HTT: variants seen among roughly 807,000 people sequenced by gnomAD.
HTT encodes huntingtin, also known as huntington disease protein.
In HTT, 104 loss-of-function variants were observed where a neutral mutation model predicts 362.3. That is an observed-to-expected ratio of 0.29 (90% CI 0.24 to 0.34). The LOEUF is 0.34. Ranked by LOEUF, HTT falls within the 10% of genes least tolerant of loss-of-function variation. The pLI is 1.00. For missense variants in HTT, 3,301 were observed against 3,928.6 expected, an observed-to-expected ratio of 0.84 and a Z score of 4.27; for synonymous variants, 1,577 against 1,548.7, an observed-to-expected ratio of 1.02 and a Z score of -0.43.
chr4:3,185,265 C>T (rs73191201), intron 37 of HTT, among the ~76,000 whole-genome samples: 5,705 of 152,258 alleles, frequency 0.037, 193 homozygotes, highest in Admixed American at 0.093. Flanking sequence ...CACAAATCGC[C>T]GTTGTGGTGT....
chr4:3,143,436 CA>C (rs1056047426), intron 23 of HTT, among the ~76,000 whole-genome samples: 248 of 70,206 alleles, frequency 3.5e-3, no homozygotes, highest in Middle Eastern at 9.4e-3. Context: ...GACTCTGTCT[CA>C]AAAAAAAAAA....
intron 30 of HTT, 103 bp downstream of exon 30, chr4:3,172,500 A>C: frequency 1.2e-6 from 1 of 836,830 alleles, no homozygotes; most frequent in Admixed American, 1.7e-5. Context: ...ATCAGCTGGG[A>C]GGATTGTGGG....
Position 3,158,380 on chromosome 4 carries a change from A to AT in HTT, c.3753+1185dup, listed in dbSNP as rs1376536542. Among the ~76,000 whole-genome samples, 3 of 152,014 alleles carry AT rather than the reference A, an allele frequency of 2.0e-5. No individual in the cohort carries two copies. The East Asian group carries it at 5.8e-4, about 29-fold the overall frequency. On this transcript the variant is annotated intron_variant, in intron 28 of 66. Coordinates refer to ENST00000355072, the MANE Select transcript of HTT (RefSeq NM_001388492.1). ...ATTTTCTGGATATTCTTCTTTATTG[A>AT]TTTTGGGATGTGAACAATAGAATCA... is the stretch of plus-strand genomic sequence containing the variant.
At chr4:3,182,075 A>G (rs886416582) in intron 36 of HTT, among the ~76,000 whole-genome samples, 2 of 152,244 alleles carry the variant, frequency 1.3e-5, no homozygotes, top group South Asian at 2.1e-4. Flanking sequence ...ATTGTGAAAT[A>G]TTACAAATTC....
chr4:3,231,748 C>T (rs898593199), intron 60 of HTT, among the ~76,000 whole-genome samples: 1 of 152,160 alleles, frequency 6.6e-6, no homozygotes, highest in African/African-American at 2.4e-5. Flanking sequence ...GTCAAAGCGG[C>T]TCTTGGAAGG....
In HTT at chr4:3,132,669, A is replaced by G. The variant is rs1715879684; in HGVS notation, c.2344A>G (p.Arg782Gly). Residue 782 changes from arginine (R) to glycine (G), a missense_variant, in exon 17 of 67, where the codon AGG becomes GGG. This residue lies in a region of HTT where 2,316 missense variants were observed against 2,658.5 expected (regional missense o/e 0.87). Coordinates refer to ENST00000355072, the MANE Select transcript of HTT (RefSeq NM_001388492.1). ...CGTLICSILS[R>G]SRFHVGDWMG... ...GACCCTCATCTGCTCCATCCTCAGC[A>G]GGTCCCGCTTCCACGTGGGAGATTG... 6.2e-7 allele frequency: 1 copy of G among 1,614,208 alleles called. No homozygotes were observed. Among genetic ancestry groups the G allele is most frequent in the Non-Finnish European group, 8.5e-7 (1 of 1,180,012 alleles).
chr4:3,223,219 A>T (rs1331000095), intron 54 of HTT, among the ~76,000 whole-genome samples, 187 bp from the exon 55 acceptor site: 2 of 152,164 alleles, frequency 1.3e-5, no homozygotes, highest in Non-Finnish European at 2.9e-5. Context: ...TGCCCATCAG[A>T]TTGTTTCAGG....
Position 3,207,342 on chromosome 4 carries a change from G to T in HTT, c.6137G>T (p.Ser2046Ile), listed in dbSNP as rs1719916728. 1 of 1,612,938 alleles carries T rather than the reference G, an allele frequency of 6.2e-7. No homozygotes were observed. The highest frequency in any genetic ancestry group is 1.3e-5 in the African/African-American group (1 of 74,916). The part of the protein sequence containing the change: ...LNRIQEYLQS[S>I]GLAQRHQRLY... ...AGAATCCAGGAATACCTTCAGAGCA[G>T]CGGGCTCGCTCAGAGGTAATGCTGG... Residue 2046 changes from serine to isoleucine, a missense_variant, in exon 45 of 67, where the codon AGC becomes ATC. Transcript: ENST00000355072.
At chr4:3,141,200 C>A (rs1423495825) in intron 22 of HTT, among the ~76,000 whole-genome samples, 1 of 152,190 alleles carries the variant, frequency 6.6e-6, no homozygotes, top group Non-Finnish European at 1.5e-5. Context: ...CTATAATCTT[C>A]AGAATTCTAG....
chr4:3,243,059 T>G lies in HTT; in HGVS notation c.*3000T>G, dbSNP rs1180815214. 1 of 152,572 alleles carries G rather than the reference T, an allele frequency of 6.6e-6. No individual in the cohort carries two copies. Among genetic ancestry groups the G allele is most frequent in the East Asian group, 1.9e-4 (1 of 5,198 alleles). 9.5% of individuals were successfully genotyped at this position (152,572 alleles called of 1,614,324 possible). On this transcript the variant is annotated 3_prime_UTR_variant, in exon 67 of 67. Coordinates refer to ENST00000355072, the MANE Select transcript of HTT (RefSeq NM_001388492.1). ...AGGACACCCCTCGCCCCCATCTTCA[T>G]GGAGGGGGTCATTTCAGAGCCCTCG...
intron 21 of HTT, among the ~76,000 whole-genome samples, chr4:3,138,657 A>T (rs1463103322): frequency 2.0e-5 from 3 of 152,216 alleles, no homozygotes; most frequent in South Asian, 2.1e-4. Flanking sequence ...TATGATGCCC[A>T]GGCTGGAGTG....
chr4:3,134,323 ACGGTT>A, intron 18 of HTT, 73 bp from the exon 19 acceptor site: 1 of 1,303,934 alleles, frequency 7.7e-7, no homozygotes, highest in Non-Finnish European at 1.1e-6. Flanking sequence ...TTGAAGAGTG[ACGGTT>A]CTCAAACCGT....
chr4:3,212,003 C>A lies in HTT; in HGVS notation c.6489C>A (p.Ala2163=). 6.2e-7 allele frequency: 1 copy of A among 1,614,182 alleles called. No homozygotes were observed. The highest frequency in any genetic ancestry group is 8.5e-7 in the Non-Finnish European group (1 of 1,180,030). The change falls in exon 48 of 67, where the codon GCC becomes GCA. Residue 2163 remains alanine, a synonymous_variant. Transcript: ENST00000355072. The part of the protein sequence containing the change: ...MSEISGGQKS[A]LFEAAREVTL... ...AAATTTCTGGTGGCCAGAAGAGTGC[C>A]CTTTTTGAAGCAGCCCGTGAGGTGA...
chr4:3,201,871 T>C (rs1184841901), intron 41 of HTT, among the ~76,000 whole-genome samples: 7 of 152,326 alleles, frequency 4.6e-5, no homozygotes, highest in South Asian at 2.1e-4. Flanking sequence ...GCTGCTCTTT[T>C]TTTAGCCATA....
intron 53 of HTT, 22 bp from the exon 54 acceptor site, chr4:3,222,365 C>T: frequency 6.3e-7 from 1 of 1,599,158 alleles, no homozygotes. Context: ...GACACTCTCT[C>T]ATGTAACATT....
rs1418726094 is a variant in HTT, at chr4:3,222,395, A to G, written c.7378A>G (p.Ser2460Gly). 3 of 1,613,662 alleles carry G rather than the reference A, an allele frequency of 1.9e-6. No individual in the cohort carries two copies. The highest frequency in any genetic ancestry group is 2.5e-6 in the Non-Finnish European group (3 of 1,179,586). The change falls in exon 54 of 67, where the codon AGT becomes GGT. Residue 2460 changes from serine (S) to glycine (G), a missense_variant. Coordinates refer to ENST00000355072, the MANE Select transcript of HTT (RefSeq NM_001388492.1). ...AACATTTATATTTCTAGGCTGGACCAGTCGTACTCAGTTTGAAGAAACTTG... is the reference window on the plus strand; with the variant it reads ...AACATTTATATTTCTAGGCTGGACCGGTCGTACTCAGTTTGAAGAAACTTG... ...IYRINTLGWT[S>G]RTQFEETWAT...
At chr4:3,132,508 T>A in intron 16 of HTT, 54 bp from the exon 17 acceptor site, 1 of 1,481,938 alleles carries the variant, frequency 6.7e-7, no homozygotes, top group South Asian at 1.2e-5. Flanking sequence ...TTGTTTCGAG[T>A]TAGAAAGTTG....
chr4:3,151,519 C>T (rs1716891713), intron 26 of HTT, among the ~76,000 whole-genome samples: 1 of 152,164 alleles, frequency 6.6e-6, no homozygotes, highest in East Asian at 1.9e-4. Context: ...TCCCACCAGG[C>T]CCCACCTCCG....
intron 64 of HTT, among the ~76,000 whole-genome samples, chr4:3,237,471 A>G (rs74614430): frequency 0.015 from 2,251 of 152,212 alleles, 50 homozygotes; most frequent in African/African-American, 0.052. Context: ...GGGAGGCGCC[A>G]CGACCAGTCC....
Sources: gnomAD v4.1 joint callset for allele counts (sites outside exome capture counted in the v4.1 genomes callset) on GRCh38, gnomAD v4.1.1 for gene constraint, gnomAD v4.1.1 regional missense constraint, MANE v1.5 for transcripts, NCBI Gene and HGNC (gene_info 2026-07-23, HGNC 2026-07-21) for gene names.